The following PPME1 variants were observed in gnomAD, a reference collection of about 807,000 sequenced individuals.
PPME1 encodes testicular secretory protein Li 39.
Under a neutral mutation model 56.9 loss-of-function variants are expected in PPME1, and 17 were observed. The ratio of observed to expected loss-of-function variants is 0.30; its 90% confidence interval spans 0.20 to 0.45. PPME1 has a LOEUF of 0.45. PPME1 is among the 20% of genes least tolerant of loss of function. The pLI is 1.00. For synonymous variants in PPME1, 122 were observed against 156.2 expected, an observed-to-expected ratio of 0.78 and a Z score of 1.63; for missense variants, 357 against 483.2, an observed-to-expected ratio of 0.74 and a Z score of 2.45.
intron 13 of PPME1, 43 bp from the exon 14 acceptor site, chr11:74,253,449 G>GAT (rs1417423967): frequency 3.2e-6 from 5 of 1,579,300 alleles, no homozygotes; most frequent in Non-Finnish European, 4.4e-6. Flanking sequence ...GAAAGCTATT[G>GAT]ATAGTTACAT....
rs187811110 is a variant in PPME1 at position 74,204,749 on chromosome 11, A to G, written c.288+304A>G. 709 of 209,624 alleles carry G rather than the reference A, an allele frequency of 3.4e-3. 4 individuals carry two copies. Among genetic ancestry groups the G allele is most frequent in the Middle Eastern group, 0.03 (18 of 594 alleles). 13.0% of individuals were successfully genotyped at this position (209,624 alleles called of 1,614,324 possible). A position where few individuals can be genotyped will look rare whatever the true frequency, so the allele number is the denominator to read the frequency against. Reference sequence around the variant, plus strand: ...GGAAAATGTGAAAGAAAAATTTAAAAATGTTAAAAAAGGGTTTGGAAGCTG... The same window carrying G: ...GGAAAATGTGAAAGAAAAATTTAAAGATGTTAAAAAAGGGTTTGGAAGCTG... On this transcript the variant is annotated intron_variant, in intron 3 of 13. Coordinates refer to ENST00000328257, the MANE Select transcript of PPME1 (RefSeq NM_016147.3).
chr11:74,242,164 A>C (rs1208962544), intron 9 of PPME1, among the ~76,000 whole-genome samples: 1 of 152,170 alleles, frequency 6.6e-6, no homozygotes, highest in Non-Finnish European at 1.5e-5. Flanking sequence ...CAGGAATGGA[A>C]CCAACTTCAT....
intron 3 of PPME1, among the ~76,000 whole-genome samples, chr11:74,217,287 A>G (rs1858673230): frequency 6.6e-6 from 1 of 152,168 alleles, no homozygotes; most frequent in Admixed American, 6.5e-5. Flanking sequence ...CGTGCCTGTA[A>G]TCCCAGCACT....
chr11:74,240,870 A>G (rs1270112371), intron 9 of PPME1, among the ~76,000 whole-genome samples: 3 of 152,266 alleles, frequency 2.0e-5, no homozygotes, highest in African/African-American at 2.4e-5. Flanking sequence ...GCTAAGCACT[A>G]TGCTGAATGC....
At chr11:74,252,436 A>G (rs1859725601) in intron 13 of PPME1, 2 of 455,060 alleles carry the variant, frequency 4.4e-6, no homozygotes, top group South Asian at 3.1e-5. Flanking sequence ...GTGTCTTCCC[A>G]TGGCCAGCTA....
intron 8 of PPME1, among the ~76,000 whole-genome samples, chr11:74,236,755 A>C (rs375169810): frequency 5.9e-5 from 9 of 152,188 alleles, no homozygotes; most frequent in African/African-American, 2.2e-4. Flanking sequence ...CCTAGTCACA[A>C]AATATTTTGA....
chr11:74,236,875 A>G (rs1859202678), intron 8 of PPME1, among the ~76,000 whole-genome samples: 1 of 152,232 alleles, frequency 6.6e-6, no homozygotes, highest in Admixed American at 6.5e-5. Context: ...AAAAATTGGC[A>G]ATTCTTTAAT....
In PPME1 at chr11:74,230,512, C is replaced by T. The variant is rs1351336077; in HGVS notation, c.553+113C>T. The T allele has an allele frequency of 3.2e-6, 4 of 1,255,930 alleles. No individual in the cohort carries two copies. In the African/African-American group the frequency reaches 6.1e-5, roughly 19 times the overall value. The allele number at this position is 1,255,930 out of a possible 1,614,324, so 77.8% of individuals were successfully genotyped here. ...ATTTCATTCATCTTGAAATATGTCC[C>T]TCTGTCTTTATATCTTTTTTAAGTT... On this transcript the variant is annotated intron_variant, in intron 6 of 13. Coordinates refer to ENST00000328257, the MANE Select transcript of PPME1 (RefSeq NM_016147.3). The surrounding 1 kb of genome is among the most constrained non-coding windows in gnomAD (Gnocchi z 4.9).
intron 1 of PPME1, among the ~76,000 whole-genome samples, chr11:74,195,476 T>A (rs1247183344): frequency 6.6e-6 from 1 of 152,254 alleles, no homozygotes; most frequent in African/African-American, 2.4e-5. Context: ...TATATTCTAT[T>A]ACCCAGATAC....
intron 10 of PPME1, 46 bp from the exon 11 acceptor site, chr11:74,247,033 C>G: frequency 6.6e-7 from 1 of 1,506,980 alleles, no homozygotes; most frequent in Non-Finnish European, 9.2e-7. Flanking sequence ...TTACTTAATA[C>G]GTGAACAGCA....
At chr11:74,208,478 G>C (rs1263405952) in intron 3 of PPME1, among the ~76,000 whole-genome samples, 1 of 152,152 alleles carries the variant, frequency 6.6e-6, no homozygotes, top group Non-Finnish European at 1.5e-5. Flanking sequence ...ATCTAATAGG[G>C]AAGGTAAGAA....
intron 7 of PPME1, among the ~76,000 whole-genome samples, chr11:74,233,850 C>T (rs1379583660): frequency 1.3e-5 from 2 of 152,080 alleles, no homozygotes; most frequent in African/African-American, 4.8e-5. Context: ...TAGGGGAAAC[C>T]TGGGCTTTGA....
intron 2 of PPME1, among the ~76,000 whole-genome samples, chr11:74,204,079 A>G (rs897111092): frequency 1.3e-5 from 2 of 151,946 alleles, no homozygotes; most frequent in African/African-American, 4.8e-5. Flanking sequence ...AGGTTTCATG[A>G]GTCAAGTGAG....
chr11:74,203,681 C>T, intron 1 of PPME1, 47 bp from the exon 2 acceptor site: 1 of 1,453,718 alleles, frequency 6.9e-7, no homozygotes, highest in South Asian at 1.2e-5. Context: ...GATTTTATCT[C>T]TTTATGCATA....
chr11:74,212,772 G>A (rs1858513871), intron 3 of PPME1, among the ~76,000 whole-genome samples: 1 of 152,134 alleles, frequency 6.6e-6, no homozygotes, highest in African/African-American at 2.4e-5. Context: ...TCCCTGAAGG[G>A]AAGGACCCAG....
chr11:74,201,967 CAGGT>C (rs1374394679), intron 1 of PPME1, among the ~76,000 whole-genome samples: 1 of 152,142 alleles, frequency 6.6e-6, no homozygotes, highest in Non-Finnish European at 1.5e-5. Flanking sequence ...GCAAAAAAAG[CAGGT>C]CGAGGCTGAA....
intron 1 of PPME1, among the ~76,000 whole-genome samples, chr11:74,199,174 A>T (rs558498433): frequency 2.6e-5 from 4 of 152,008 alleles, no homozygotes; most frequent in Non-Finnish European, 5.9e-5. Context: ...CTGTCCTTCA[A>T]TGCCTAGCTT....
chr11:74,191,416 C>T (rs1269654664), intron 1 of PPME1, among the ~76,000 whole-genome samples: 1 of 152,190 alleles, frequency 6.6e-6, no homozygotes, highest in African/African-American at 2.4e-5. Flanking sequence ...ACCTGGCCCT[C>T]TGGTAGAAGA....
At chr11:74,218,806 T>C (rs751820521) in intron 3 of PPME1, among the ~76,000 whole-genome samples, 33 of 151,730 alleles carry the variant, frequency 2.2e-4, no homozygotes, top group Non-Finnish European at 4.0e-4. Flanking sequence ...TTGAGAAAAC[T>C]CTCCAGGACA....
Sources: gnomAD v4.1 joint callset for allele counts (sites outside exome capture counted in the v4.1 genomes callset) on GRCh38, gnomAD v4.1.1 for gene constraint, Gnocchi (gnomAD v3.1) non-coding constraint, MANE v1.5 for transcripts, NCBI Gene and HGNC (gene_info 2026-07-23, HGNC 2026-07-21) for gene names.